Variants in BTBD9 observed in about 807,000 individuals in gnomAD.
BTBD9 encodes BTB/POZ domain-containing protein 9.
Under a neutral mutation model 64.3 loss-of-function variants are expected in BTBD9, and 49 were observed. That is an observed-to-expected ratio of 0.76 (90% confidence interval 0.61 to 0.97). The LOEUF (loss-of-function observed/expected upper bound fraction) is 0.97, where lower values mean the gene tolerates loss of function less well. BTBD9 is among the 50% of genes least tolerant of loss of function. The probability of loss-of-function intolerance (pLI) is 0.00; values close to 1 mark genes in which losing one functional copy is unlikely to be tolerated. For missense variants in BTBD9, 598 were observed against 762.1 expected (o/e 0.78, Z 2.53); for synonymous variants, 260 against 274.7 (o/e 0.95, Z 0.53).
chr6:38,606,857 A>AT (rs1777447570), intron 1 of BTBD9, among the ~76,000 whole-genome samples: 1 of 152,172 alleles, frequency 6.6e-6, no homozygotes, highest in Non-Finnish European at 1.5e-5. Context: ...AGATTCGGTA[A>AT]TTTGTCCAAT....
intron 7 of BTBD9, among the ~76,000 whole-genome samples, chr6:38,335,275 CAG>C (rs967046046): frequency 8.4e-4 from 120 of 143,302 alleles, no homozygotes; most frequent in African/African-American, 2.9e-3. Context: ...TTTTTTGAGA[CAG>C]AGTCTCACTC....
At chr6:38,555,613 C>A (rs1040685007) in intron 6 of BTBD9, among the ~76,000 whole-genome samples, 1 of 152,184 alleles carries the variant, frequency 6.6e-6, no homozygotes, top group Non-Finnish European at 1.5e-5. Flanking sequence ...ACTTCCCCAG[C>A]ACAATTACAG....
chr6:38,343,661 A>G (rs1292835803), intron 7 of BTBD9, among the ~76,000 whole-genome samples: 1 of 152,228 alleles, frequency 6.6e-6, no homozygotes, highest in Non-Finnish European at 1.5e-5. Flanking sequence ...TTCAAACTTG[A>G]TAACTTTCAA....
At chr6:38,634,103 G>T (rs1420985695) in intron 1 of BTBD9, among the ~76,000 whole-genome samples, 3 of 152,226 alleles carry the variant, frequency 2.0e-5, no homozygotes, top group Admixed American at 1.3e-4. Context: ...ATAAATGAGA[G>T]AGAACAAGCA....
chr6:38,575,060 A>G (rs1278994658), intron 6 of BTBD9, among the ~76,000 whole-genome samples: 1 of 152,234 alleles, frequency 6.6e-6, no homozygotes, highest in Non-Finnish European at 1.5e-5. Context: ...TTCTTCAGGA[A>G]TAACCTCCAA....
intron 6 of BTBD9, among the ~76,000 whole-genome samples, chr6:38,480,644 C>T (rs188748583): frequency 4.2e-4 from 64 of 152,228 alleles, no homozygotes; most frequent in African/African-American, 1.3e-3. Flanking sequence ...CTATAGAACA[C>T]GCCAAAACCC....
chr6:38,480,007 G>A (rs1455242286), intron 6 of BTBD9, among the ~76,000 whole-genome samples: 3 of 152,196 alleles, frequency 2.0e-5, no homozygotes, highest in Non-Finnish European at 1.5e-5. Flanking sequence ...GAGATTACAG[G>A]CATGAGTCAC....
rs539103588 is a variant in BTBD9, at chr6:38,485,432, G to A, written c.1154+92168C>T. ...GCTATAGCCTTACAAAATGTATTTC[G>A]TAAATAAGACTGGAAAGTTAACATG... On this transcript the variant is annotated intron_variant, in intron 6 of 10. Coordinates refer to ENST00000481247, the MANE Select transcript of BTBD9 (RefSeq NM_001099272.2). 3.9e-5 allele frequency among the ~76,000 whole-genome samples: 6 copies of A among 152,268 alleles called. No homozygotes were observed. In the South Asian group the frequency reaches 6.2e-4, roughly 16 times the overall value.
rs73730918 is a variant in BTBD9, at chr6:38,256,110, G to T, written c.1562+299C>A. On this transcript the variant is annotated intron_variant, in intron 9 of 10. Transcript: ENST00000481247. ...TGGGGTATGGTGGGCATGGCGGGGT[G>T]GGGGGTCTGAGAGAGGATTGCATAA... Among the ~76,000 whole-genome samples, 730 of 151,624 alleles carry T rather than the reference G, an allele frequency of 4.8e-3. 5 individuals carry two copies. The highest frequency in any genetic ancestry group is 0.016 in the African/African-American group (676 of 41,152).
intron 6 of BTBD9, among the ~76,000 whole-genome samples, chr6:38,350,971 A>G (rs1213464337): frequency 6.6e-6 from 1 of 152,228 alleles, no homozygotes; most frequent in East Asian, 1.9e-4. Flanking sequence ...ATTTTCTTCT[A>G]GTTCTGTGTA....
At chr6:38,392,432 C>T (rs192549672) in intron 6 of BTBD9, among the ~76,000 whole-genome samples, 147 of 152,240 alleles carry the variant, frequency 9.7e-4, no homozygotes, top group Non-Finnish European at 1.7e-3. Context: ...AACAATCACA[C>T]GACCAGAGAC....
chr6:38,555,910 T>A (rs1774990705), intron 6 of BTBD9, among the ~76,000 whole-genome samples: 1 of 152,232 alleles, frequency 6.6e-6, no homozygotes, highest in African/African-American at 2.4e-5. Context: ...TTTTACATCT[T>A]CCGAACAATC....
Position 38,409,743 on chromosome 6 carries a change from G to A in BTBD9, c.1155-64650C>T, listed in dbSNP as rs151330188. Among the ~76,000 whole-genome samples the A allele has an allele frequency of 2.2e-3, 338 of 152,166 alleles. 2 individuals carry two copies. Among genetic ancestry groups the A allele is most frequent in the Middle Eastern group, 0.017 (5 of 294 alleles). On this transcript the variant is annotated intron_variant, in intron 6 of 10. Coordinates refer to ENST00000481247, the MANE Select transcript of BTBD9 (RefSeq NM_001099272.2). Reference sequence around the variant, plus strand: ...GGAGGCTAAGGCAGGAGAATCTCTTGAACCCAGGAGGTAAAGGTTGCAGTG... The same window carrying A: ...GGAGGCTAAGGCAGGAGAATCTCTTAAACCCAGGAGGTAAAGGTTGCAGTG...
chr6:38,261,225 G>GT (rs1764780073), intron 8 of BTBD9, among the ~76,000 whole-genome samples: 1 of 151,974 alleles, frequency 6.6e-6, no homozygotes, highest in Non-Finnish European at 1.5e-5. Context: ...TGAGTCCAGC[G>GT]TATTATGAAA....
At chr6:38,349,405 G>A (rs1764413078) in intron 6 of BTBD9, among the ~76,000 whole-genome samples, 1 of 152,130 alleles carries the variant, frequency 6.6e-6, no homozygotes, top group East Asian at 1.9e-4. Flanking sequence ...GAGTACAGTA[G>A]TTAGTCCCCC....
intron 8 of BTBD9, among the ~76,000 whole-genome samples, chr6:38,265,666 C>T (rs1284966552): frequency 6.6e-6 from 1 of 151,990 alleles, no homozygotes; most frequent in Non-Finnish European, 1.5e-5. Flanking sequence ...TACAGGCACT[C>T]GCCACCAGGC....
At chr6:38,409,933 G>A (rs1227964554) in intron 6 of BTBD9, among the ~76,000 whole-genome samples, 1 of 151,996 alleles carries the variant, frequency 6.6e-6, no homozygotes, top group African/African-American at 2.4e-5. Context: ...GGCATAATTC[G>A]AACTAATTTA....
At chr6:38,458,588 A>G (rs1769926402) in intron 6 of BTBD9, among the ~76,000 whole-genome samples, 1 of 152,222 alleles carries the variant, frequency 6.6e-6, no homozygotes, top group Non-Finnish European at 1.5e-5. Context: ...CTCAGCAAAA[A>G]CTAGAATAGA....
chr6:38,521,834 T>C (rs1409425286), intron 6 of BTBD9, among the ~76,000 whole-genome samples: 4 of 152,006 alleles, frequency 2.6e-5, no homozygotes, highest in African/African-American at 9.7e-5. Flanking sequence ...GCCACCATGC[T>C]TGGCTAACTT....
Sources: allele counts gnomAD v4.1 joint callset (sites outside exome capture counted in the v4.1 genomes callset), GRCh38; gene constraint gnomAD v4.1.1; transcripts MANE v1.5; gene names NCBI Gene and HGNC (gene_info 2026-07-23, HGNC 2026-07-21).